The following PRR16 variants were observed in gnomAD, a reference collection of about 807,000 sequenced individuals.
The protein encoded by PRR16 is proline rich 16.
A neutral mutation model predicts 18.2 loss-of-function variants in PRR16; 6 were observed. The observed-to-expected ratio is 0.33, with a 90% CI of 0.18 to 0.65. The LOEUF (loss-of-function observed/expected upper bound fraction) is 0.65, where lower values mean the gene tolerates loss of function less well. Ranked by LOEUF, PRR16 falls within the 30% of genes least tolerant of loss-of-function variation. PRR16 has a pLI of 0.74. For missense variants in PRR16, 412 were observed against 376.6 expected, an observed-to-expected ratio of 1.09 and a Z score of -0.78; for synonymous variants, 151 against 147.8, an observed-to-expected ratio of 1.02 and a Z score of -0.16.
rs1354015344 is a variant in PRR16, at chr5:120,627,775, G to C, written c.160-58179G>C. Among the ~76,000 whole-genome samples, 4 of 152,152 alleles carry C rather than the reference G, an allele frequency of 2.6e-5. No homozygotes were observed. The East Asian group carries it at 7.7e-4, about 29-fold the overall frequency. On this transcript the variant is annotated intron_variant, in intron 1 of 1. Transcript: ENST00000407149. ...AGTTATTCTTCCCCCAAAATATTCT[G>C]AATGGCCGATTTCCTAATGCTTAAA...
chr5:120,776,806 AT>A, the PRR16 span, among the ~76,000 whole-genome samples: 316 of 146,036 alleles, frequency 2.2e-3, 1 homozygote, highest in African/African-American at 7.3e-3. Flanking sequence ...GAATTGTAAA[AT>A]ACATATGTAT....
chr5:120,551,493 G>A (rs1400755634), intron 1 of PRR16, among the ~76,000 whole-genome samples: 2 of 151,852 alleles, frequency 1.3e-5, no homozygotes, highest in African/African-American at 4.8e-5. Context: ...TCATCAAGTT[G>A]TTGTTCTCTT....
At chr5:120,508,739 C>T (rs548860541) in intron 1 of PRR16, among the ~76,000 whole-genome samples, 1 of 151,966 alleles carries the variant, frequency 6.6e-6, no homozygotes, top group African/African-American at 2.4e-5. Flanking sequence ...AGTGTTTTCC[C>T]CATATACAGG....
At chr5:120,648,642 T>C (rs1291290334) in intron 1 of PRR16, among the ~76,000 whole-genome samples, 2 of 152,092 alleles carry the variant, frequency 1.3e-5, no homozygotes, top group Non-Finnish European at 2.9e-5. Context: ...CCAAAACAAA[T>C]ATCTTTAAAG....
At position 120,469,761 on chromosome 5, in the gene PRR16, C is replaced by T. The variant is rs1726813184; in HGVS notation, c.159+5116C>T. On this transcript the variant is annotated intron_variant, in intron 1 of 1. Coordinates refer to ENST00000407149, the MANE Select transcript of PRR16 (RefSeq NM_001300783.2). ...CAAACTGTGGTATATTTACCAAATG[C>T]TAAAATGCTCTGAAATTTTTCTTTA... is the stretch of plus-strand genomic sequence containing the variant. 2.0e-5 allele frequency among the ~76,000 whole-genome samples: 3 copies of T among 152,134 alleles called. No individual in the cohort carries two copies. The South Asian group carries it at 6.2e-4, about 31-fold the overall frequency.
At chr5:120,776,145 G>A in the PRR16 span, among the ~76,000 whole-genome samples, 14 of 151,998 alleles carry the variant, frequency 9.2e-5, 1 homozygote, top group Admixed American at 4.6e-4. Flanking sequence ...TTGATTTCTC[G>A]TCATCATTGG....
Position 120,634,504 on chromosome 5 carries a change from A to G in PRR16, c.160-51450A>G, listed in dbSNP as rs529270691. Among the ~76,000 whole-genome samples, 18 of 152,198 alleles carry G rather than the reference A, an allele frequency of 1.2e-4. No homozygotes were observed. In the South Asian group the frequency reaches 3.5e-3, roughly 30 times the overall value. Reference sequence around the variant, plus strand: ...ACTAAAATATAAAAATTAGCTGGACATGCTGGCATGTGCCTGTAATCCCAG... The same window carrying G: ...ACTAAAATATAAAAATTAGCTGGACGTGCTGGCATGTGCCTGTAATCCCAG... On this transcript the variant is annotated intron_variant, in intron 1 of 1. Transcript: ENST00000407149.
chr5:120,546,367 G>A (rs1752074394), intron 1 of PRR16, among the ~76,000 whole-genome samples: 2 of 152,152 alleles, frequency 1.3e-5, no homozygotes, highest in Non-Finnish European at 2.9e-5. Flanking sequence ...TTGCTCCATA[G>A]TGCTCCCTCC....
At chr5:120,636,023 C>CAAAT (rs547098752) in intron 1 of PRR16, among the ~76,000 whole-genome samples, 324 of 151,770 alleles carry the variant, frequency 2.1e-3, no homozygotes, top group African/African-American at 5.1e-3. Context: ...ACAATGGCTG[C>CAAAT]AAATAAATAA....
the PRR16 span, among the ~76,000 whole-genome samples, chr5:120,711,284 C>A: frequency 3.9e-5 from 6 of 152,156 alleles, no homozygotes; most frequent in Non-Finnish European, 8.8e-5. Flanking sequence ...CCTAACACAA[C>A]TACAATTATT....
chr5:120,636,397 C>G (rs1580814405), intron 1 of PRR16, among the ~76,000 whole-genome samples: 1 of 152,206 alleles, frequency 6.6e-6, no homozygotes, highest in South Asian at 2.1e-4. Context: ...CCATAGTCAC[C>G]AAAACAGCAT....
the PRR16 span, among the ~76,000 whole-genome samples, chr5:120,732,955 G>A: frequency 4.6e-5 from 7 of 152,146 alleles, no homozygotes; most frequent in African/African-American, 9.7e-5. Flanking sequence ...TACCAGATGC[G>A]TGAAAGGGTA....
chr5:120,464,783 T>C, intron 1 of PRR16, 138 bp downstream of exon 1: 1 of 934,226 alleles, frequency 1.1e-6, no homozygotes, highest in Non-Finnish European at 1.5e-6. Context: ...CGGACTTTCT[T>C]TGCTCCTGGA....
Position 120,495,248 on chromosome 5 carries a change from A to G in PRR16, c.159+30603A>G, listed in dbSNP as rs139464271. On this transcript the variant is annotated intron_variant, in intron 1 of 1. Transcript: ENST00000407149. The stretch of plus-strand genomic sequence containing the variant: ...ATCATGTTAGATTTATTTCATTGTC[A>G]TTTTGTAGTTTTAAATGTACAAGTC... 3.5e-4 allele frequency among the ~76,000 whole-genome samples: 53 copies of G among 152,116 alleles called. No individual in the cohort carries two copies. In the East Asian group the frequency reaches 9.3e-3, roughly 27 times the overall value.
intron 1 of PRR16, among the ~76,000 whole-genome samples, chr5:120,488,356 T>C (rs1270970664): frequency 5.3e-5 from 8 of 152,194 alleles, no homozygotes; most frequent in African/African-American, 1.7e-4. Flanking sequence ...GAGATTCAAC[T>C]TCTTCCTGGC....
intron 1 of PRR16, among the ~76,000 whole-genome samples, chr5:120,600,967 C>A (rs1012959530): frequency 6.6e-6 from 1 of 151,910 alleles, no homozygotes; most frequent in South Asian, 2.1e-4. Flanking sequence ...TTTATCCGGC[C>A]CACCATTAAT....
chr5:120,778,183 T>G, the PRR16 span, among the ~76,000 whole-genome samples: 9 of 152,092 alleles, frequency 5.9e-5, no homozygotes, highest in African/African-American at 2.2e-4. Context: ...ATAATAGGTG[T>G]TAAAAAAAGA....
At chr5:120,505,137 C>T (rs1750598513) in intron 1 of PRR16, among the ~76,000 whole-genome samples, 1 of 152,104 alleles carries the variant, frequency 6.6e-6, no homozygotes, top group African/African-American at 2.4e-5. Flanking sequence ...TGCTTTCTTT[C>T]TTCTCCCTTT....
chr5:120,712,512 G>T, the PRR16 span, among the ~76,000 whole-genome samples: 2 of 151,968 alleles, frequency 1.3e-5, no homozygotes, highest in Non-Finnish European at 2.9e-5. Context: ...ACAAAAAGAA[G>T]GGGAACCTTA....
Sources: gnomAD v4.1 joint callset for allele counts (sites outside exome capture counted in the v4.1 genomes callset) on GRCh38, gnomAD v4.1.1 for gene constraint, MANE v1.5 for transcripts, NCBI Gene and HGNC (gene_info 2026-07-23, HGNC 2026-07-21) for gene names.